The following CDH12 variants were observed in gnomAD, a reference collection of about 807,000 sequenced individuals.
CDH12 encodes the protein cadherin-12.
A neutral mutation model predicts 74.1 loss-of-function variants in CDH12; 41 were observed. That is an observed-to-expected ratio of 0.55 (90% CI 0.43 to 0.72). CDH12 has a LOEUF of 0.72. CDH12 is among the 30% of genes least tolerant of loss of function. The pLI is 0.00. For synonymous variants in CDH12, 399 were observed against 355.0 expected (o/e 1.12, Z -1.39); for missense variants, 945 against 977.2 (o/e 0.97, Z 0.44).
At chr5:21,777,158 A>G (rs930534550) in intron 11 of CDH12, among the ~76,000 whole-genome samples, 3 of 152,116 alleles carry the variant, frequency 2.0e-5, no homozygotes, top group Non-Finnish European at 2.9e-5. Context: ...AACTCTTTCA[A>G]TGTACAAGGG....
chr5:22,384,541 G>A (rs1261367), intron 3 of CDH12, among the ~76,000 whole-genome samples: 81,264 of 122,492 alleles, frequency 0.66, 29,381 homozygotes, highest in Non-Finnish European at 0.77. Context: ...AAAAAAAAAA[G>A]AAAAAGAAAA....
At chr5:22,764,476 G>A (rs1746397875) in intron 1 of CDH12, among the ~76,000 whole-genome samples, 1 of 151,830 alleles carries the variant, frequency 6.6e-6, no homozygotes, top group South Asian at 2.1e-4. Context: ...AAATACAAAA[G>A]TTCTTCCCTA....
chr5:22,160,169 C>G lies in CDH12; in HGVS notation c.-187+52329G>C, dbSNP rs543496542. Among the ~76,000 whole-genome samples the G allele has an allele frequency of 8.5e-5, 13 of 152,266 alleles. No individual in the cohort carries two copies. In the South Asian group the frequency reaches 2.5e-3, roughly 29 times the overall value. On this transcript the variant is annotated intron_variant, in intron 4 of 14. Transcript: ENST00000382254. ...TAGGGTATCCACCATCTGACCCATACAGTTGAGATTGAAAATAGATTCAGT... is the reference window on the plus strand; with the variant it reads ...TAGGGTATCCACCATCTGACCCATAGAGTTGAGATTGAAAATAGATTCAGT...
chr5:22,177,679 T>G (rs898123362), intron 4 of CDH12, among the ~76,000 whole-genome samples: 14 of 152,038 alleles, frequency 9.2e-5, no homozygotes, highest in African/African-American at 3.4e-4. Context: ...TAGAGCAACC[T>G]CTCTCTGTGA....
intron 1 of CDH12, among the ~76,000 whole-genome samples, chr5:22,597,816 C>G (rs1258253952): frequency 1.3e-5 from 2 of 152,036 alleles, no homozygotes; most frequent in African/African-American, 2.4e-5. Flanking sequence ...TAATATTGTT[C>G]AAGTATTTTA....
chr5:22,520,773 A>G (rs1351925102), intron 1 of CDH12, among the ~76,000 whole-genome samples: 1 of 152,202 alleles, frequency 6.6e-6, no homozygotes, highest in Non-Finnish European at 1.5e-5. Context: ...TTATTTGTAT[A>G]TAACTACAAG....
chr5:22,117,517 A>T (rs1190332056), intron 4 of CDH12, among the ~76,000 whole-genome samples: 1 of 87,442 alleles, frequency 1.1e-5, no homozygotes, highest in African/African-American at 5.0e-5. Context: ...TATATAATAT[A>T]TATATAATAT....
chr5:22,045,266 C>T (rs528154313), intron 5 of CDH12, among the ~76,000 whole-genome samples: 10 of 152,188 alleles, frequency 6.6e-5, no homozygotes, highest in Admixed American at 3.3e-4. Context: ...GTTACAATGG[C>T]TATTATCAAA....
At chr5:21,971,789 C>T (rs1163466237) in intron 6 of CDH12, among the ~76,000 whole-genome samples, 2 of 152,092 alleles carry the variant, frequency 1.3e-5, no homozygotes, top group African/African-American at 4.8e-5. Flanking sequence ...TTTGCTTTGA[C>T]TTTGGGAGTA....
At chr5:22,058,898 G>A (rs187978372) in intron 5 of CDH12, among the ~76,000 whole-genome samples, 1 of 151,998 alleles carries the variant, frequency 6.6e-6, no homozygotes, top group African/African-American at 2.4e-5. Context: ...TAAAGCCAGG[G>A]TTTTAGATGG....
chr5:21,858,123 C>G (rs914750044), intron 6 of CDH12, among the ~76,000 whole-genome samples: 3 of 151,742 alleles, frequency 2.0e-5, no homozygotes, highest in African/African-American at 7.3e-5. Flanking sequence ...TCTCCAAATA[C>G]AGTCACATTC....
At chr5:21,773,553 C>T (rs1367024605) in intron 11 of CDH12, among the ~76,000 whole-genome samples, 1 of 152,132 alleles carries the variant, frequency 6.6e-6, no homozygotes, top group Middle Eastern at 3.2e-3. Context: ...GCTCTTGGGC[C>T]TTCAGCCACA....
At chr5:22,100,041 C>T (rs1274711998) in intron 4 of CDH12, among the ~76,000 whole-genome samples, 4 of 152,090 alleles carry the variant, frequency 2.6e-5, no homozygotes, top group African/African-American at 7.2e-5. Flanking sequence ...TGAGAAACAT[C>T]GCCCATTATC....
intron 1 of CDH12, among the ~76,000 whole-genome samples, chr5:22,633,543 G>A (rs1206660579): frequency 6.6e-6 from 1 of 152,198 alleles, no homozygotes; most frequent in Non-Finnish European, 1.5e-5. Flanking sequence ...TTGGTGGACA[G>A]AGTAAAGTAG....
intron 9 of CDH12, among the ~76,000 whole-genome samples, chr5:21,810,359 T>C (rs1747682565): frequency 6.6e-6 from 1 of 152,028 alleles, no homozygotes; most frequent in South Asian, 2.1e-4. Context: ...GGCAAATTCA[T>C]AGGTGGAGAA....
At chr5:22,126,992 T>C (rs1483351038) in intron 4 of CDH12, among the ~76,000 whole-genome samples, 1 of 152,136 alleles carries the variant, frequency 6.6e-6, no homozygotes, top group Non-Finnish European at 1.5e-5. Flanking sequence ...CGAACATGTG[T>C]TAAAAGAGGG....
rs182768895 is a variant in CDH12 at position 22,239,031 on chromosome 5, G to C, written c.-332-26388C>G. ...CAGTGAAATGTTAAATGACATATAA[G>C]AATTTCTAGTAATAAATATGATGGT... On this transcript the variant is annotated intron_variant, in intron 3 of 14. Transcript: ENST00000382254. Among the ~76,000 whole-genome samples the C allele has an allele frequency of 8.4e-4, 128 of 152,248 alleles. 2 individuals carry two copies. The East Asian group carries it at 0.024, about 29-fold the overall frequency.
At chr5:21,783,336 A>G (rs919190001) in intron 11 of CDH12, 22 bp downstream of exon 11, 17 of 1,606,028 alleles carry the variant, frequency 1.1e-5, no homozygotes, top group Non-Finnish European at 1.3e-5. Flanking sequence ...TATAACATTG[A>G]TTCTGTCCAT....
intron 2 of CDH12, among the ~76,000 whole-genome samples, chr5:22,461,956 A>G (rs1223376860): frequency 6.6e-6 from 1 of 152,096 alleles, no homozygotes; most frequent in Non-Finnish European, 1.5e-5. Context: ...ACCTTACCTA[A>G]TTGTACAAAT....
Sources: gnomAD v4.1 joint callset for allele counts (sites outside exome capture counted in the v4.1 genomes callset) on GRCh38, gnomAD v4.1.1 for gene constraint, MANE v1.5 for transcripts, NCBI Gene and HGNC (gene_info 2026-07-23, HGNC 2026-07-21) for gene names.